The following DOP1B variants were observed in gnomAD, a reference collection of about 807,000 sequenced individuals.
DOP1B encodes DOP1 leucine zipper like protein B.
In DOP1B, 174 loss-of-function variants were observed where a neutral mutation model predicts 233.5. The ratio of observed to expected loss-of-function variants is 0.75; its 90% CI spans 0.66 to 0.85. DOP1B has a LOEUF of 0.85. Among genes scored for constraint, DOP1B ranks in the 40% least tolerant of loss-of-function variants. The pLI is 0.00. For missense variants in DOP1B, 2,652 were observed against 2,846.6 expected (o/e 0.93, Z 1.56); for synonymous variants, 1,190 against 1,185.6 (o/e 1.00, Z -0.08).
intron 9 of DOP1B, among the ~76,000 whole-genome samples, chr21:36,219,134 C>T (rs1010833077): frequency 2.0e-5 from 3 of 152,126 alleles, no homozygotes; most frequent in East Asian, 1.9e-4. Context: ...AGATGTAAAA[C>T]GCGTAGAAGG....
intron 2 of DOP1B, 66 bp from the exon 3 acceptor site, chr21:36,199,004 G>C (rs2066326344): frequency 4.6e-6 from 7 of 1,531,650 alleles, no homozygotes; most frequent in Non-Finnish European, 6.2e-6. Flanking sequence ...GGCTTCAGCA[G>C]ATCCACTCTC....
chr21:36,270,280 C>A, intron 27 of DOP1B, 123 bp downstream of exon 27: 1 of 1,102,484 alleles, frequency 9.1e-7, no homozygotes, highest in Non-Finnish European at 1.3e-6. Context: ...AGGCTGGGTG[C>A]GGTGGCTCAC....
At chr21:36,232,766 T>A in intron 14 of DOP1B, 38 bp from the exon 15 acceptor site, 2 of 1,610,258 alleles carry the variant, frequency 1.2e-6, no homozygotes, top group African/African-American at 1.3e-5. Context: ...CTCACGTGGT[T>A]CTGCTTGTTT....
Position 36,278,028 on chromosome 21 carries a change from T to G in DOP1B, c.5766T>G (p.Ala1922=). The G allele has an allele frequency of 6.2e-7, 1 of 1,614,214 alleles. No individual in the cohort carries two copies. Among genetic ancestry groups the G allele is most frequent in the Non-Finnish European group, 8.5e-7 (1 of 1,180,034 alleles). The change falls in exon 29 of 37, where the codon GCT becomes GCG. Residue 1922 remains alanine (A), a synonymous_variant. Coordinates refer to ENST00000691173, the MANE Select transcript of DOP1B (RefSeq NM_001320714.2). ...ATCGAAGTGATGAGAAGGAGAAAGC[T>G]GTGCCGTTAATCTCCCGTCTGCTTT... ...MVYRSDEKEK[A]VPLISRLLYY...
At chr21:36,250,518 C>T (rs565230531) in intron 21 of DOP1B, among the ~76,000 whole-genome samples, 5 of 152,184 alleles carry the variant, frequency 3.3e-5, no homozygotes, top group South Asian at 4.2e-4. Flanking sequence ...AGGCCCCAGG[C>T]GGAGAGGATT....
At chr21:36,249,693 C>T (rs532707612) in intron 21 of DOP1B, among the ~76,000 whole-genome samples, 5 of 152,232 alleles carry the variant, frequency 3.3e-5, no homozygotes, top group South Asian at 2.1e-4. Flanking sequence ...AGGCTGTAGG[C>T]GCAGGACTCG....
intron 10 of DOP1B, among the ~76,000 whole-genome samples, chr21:36,221,529 C>A (rs530610140): frequency 5.2e-4 from 79 of 152,002 alleles, no homozygotes; most frequent in African/African-American, 1.7e-3. Context: ...CCTGACTGAC[C>A]AATTTCTTAT....
intron 1 of DOP1B, among the ~76,000 whole-genome samples, chr21:36,158,651 A>C (rs2065841924): frequency 1.3e-5 from 2 of 151,534 alleles, no homozygotes; most frequent in Non-Finnish European, 2.9e-5. Context: ...AAAAATACAA[A>C]AATTAGTTGG....
At chr21:36,198,503 C>G (rs1183964279) in intron 2 of DOP1B, among the ~76,000 whole-genome samples, 4 of 152,122 alleles carry the variant, frequency 2.6e-5, no homozygotes, top group Non-Finnish European at 4.4e-5. Flanking sequence ...CATGGTTACT[C>G]TGTGCCACGA....
intron 2 of DOP1B, among the ~76,000 whole-genome samples, chr21:36,177,646 T>C (rs2066047349): frequency 6.6e-6 from 1 of 152,124 alleles, no homozygotes; most frequent in Non-Finnish European, 1.5e-5. Flanking sequence ...ATTAATGCAT[T>C]GATAGGTTAT....
In DOP1B at chr21:36,199,473, C is replaced by T. The variant is rs530164349; in HGVS notation, c.320+222C>T. On this transcript the variant is annotated intron_variant, in intron 3 of 36. Transcript: ENST00000691173. ...TTTTTTAAATTTAAGTTCTAGGGTA[C>T]ATATGCACAACGTGCAGGTTTGTCA... Among the ~76,000 whole-genome samples, 96 of 151,896 alleles carry T rather than the reference C, an allele frequency of 6.3e-4. 1 individual carries two copies. Among genetic ancestry groups the T allele is most frequent in the African/African-American group, 2.3e-3 (94 of 41,400 alleles).
Position 36,248,556 on chromosome 21 carries a change from TA to T in DOP1B, c.4990del (p.Thr1664ProfsTer5). The T allele has an allele frequency of 6.2e-7, 1 of 1,606,944 alleles. No individual in the cohort carries two copies. The highest frequency in any genetic ancestry group is 8.5e-7 in the Non-Finnish European group (1 of 1,177,338). ...CGAAGGGATCCTCTTCCGTTTACTT[TA>T]AAACCACCAAAGTAAGAGGATGTCT... ...ATKGSSSVYFKTTKTIRQKIL... is the reference protein window; with the variant it reads ...ATKGSSSVYFXTTKTIRQKIL... On this transcript the variant is annotated frameshift_variant, in exon 21 of 37. Coordinates refer to ENST00000691173, the MANE Select transcript of DOP1B (RefSeq NM_001320714.2). LOFTEE classifies it high-confidence loss of function.
At chr21:36,217,593 T>C (rs902727545) in intron 9 of DOP1B, among the ~76,000 whole-genome samples, 4 of 152,136 alleles carry the variant, frequency 2.6e-5, no homozygotes, top group African/African-American at 9.7e-5. Context: ...ATTCCAAGAG[T>C]TGTGCAGCTC....
At chr21:36,258,181 A>T (rs535702590) in intron 23 of DOP1B, among the ~76,000 whole-genome samples, 6 of 152,226 alleles carry the variant, frequency 3.9e-5, no homozygotes, top group African/African-American at 1.4e-4. Flanking sequence ...AAGCCGAAGC[A>T]GGGGGATTGC....
At chr21:36,274,452 A>C (rs1180660332) in intron 27 of DOP1B, among the ~76,000 whole-genome samples, 1 of 152,170 alleles carries the variant, frequency 6.6e-6, no homozygotes, top group East Asian at 1.9e-4. Flanking sequence ...CGTAGAGAAA[A>C]ATTGAGCTTG....
chr21:36,248,646 T>C, intron 21 of DOP1B, 78 bp downstream of exon 21: 4 of 1,406,428 alleles, frequency 2.8e-6, no homozygotes, highest in Non-Finnish European at 3.8e-6. Flanking sequence ...TATAGGAAAG[T>C]GTGCATGATA....
At chr21:36,223,175 T>G in intron 10 of DOP1B, 56 bp from the exon 11 acceptor site, 1 of 1,526,254 alleles carries the variant, frequency 6.6e-7, no homozygotes, top group South Asian at 1.3e-5. Flanking sequence ...TTGGACACTT[T>G]TTGTAATTCA....
Position 36,289,083 on chromosome 21 carries a change from C to T in DOP1B, c.6392C>T (p.Pro2131Leu), listed in dbSNP as rs771112644. 4.0e-5 allele frequency: 64 copies of T among 1,612,790 alleles called. No homozygotes were observed. The highest frequency in any genetic ancestry group is 4.7e-5 in the Non-Finnish European group (56 of 1,179,802). ...NKVNRTKVSVPDANGPSVGEI... is the reference protein window; with the variant it reads ...NKVNRTKVSVLDANGPSVGEI... ...GTAAACAGAACGAAAGTTTCAGTCC[C>T]GGATGCAAATGGACCCTCAGTGGGG... Residue 2131 changes from proline (P) to leucine (L), a missense_variant, in exon 35 of 37, where the codon CCG (proline) becomes CTG (leucine). By Grantham distance (98) the Pro-to-Leu change is moderately conservative (BLOSUM62 -3). Transcript: ENST00000691173.
At chr21:36,284,457 G>C (rs1439570716) in intron 32 of DOP1B, among the ~76,000 whole-genome samples, 1 of 150,918 alleles carries the variant, frequency 6.6e-6, no homozygotes, top group African/African-American at 2.4e-5. Context: ...TTTTAGTAGA[G>C]ACAGGGTTTC....
Sources: gnomAD v4.1 joint callset for allele counts (sites outside exome capture counted in the v4.1 genomes callset) on GRCh38, gnomAD v4.1.1 for gene constraint, MANE v1.5 for transcripts, NCBI Gene and HGNC (gene_info 2026-07-23, HGNC 2026-07-21) for gene names.